Variants in MEGF6 observed in about 807,000 individuals in gnomAD.
The protein encoded by MEGF6 is multiple epidermal growth factor-like domains protein 6.
Under a neutral mutation model 207.1 loss-of-function variants are expected in MEGF6, and 184 were observed. That is an observed-to-expected ratio of 0.89 (90% CI 0.79 to 1.00). The LOEUF is 1.00. Ranked by LOEUF, MEGF6 falls within the 50% of genes least tolerant of loss-of-function variation. The pLI is 0.00. For missense variants in MEGF6, 2,282 were observed against 2,202.9 expected (o/e 1.04, Z -0.72); for synonymous variants, 1,038 against 910.0 (o/e 1.14, Z -2.53).
At chr1:3,585,036 C>T (rs114325920) in intron 3 of MEGF6, among the ~76,000 whole-genome samples, 1,916 of 152,036 alleles carry the variant, frequency 0.013, 42 homozygotes, top group African/African-American at 0.043. Flanking sequence ...GAGTGACACA[C>T]GTCCTGTGTG....
Position 3,501,823 on chromosome 1 carries a change from C to T in MEGF6, c.2287G>A (p.Gly763Arg), listed in dbSNP as rs1183207359. 2 of 1,608,860 alleles carry T rather than the reference C, an allele frequency of 1.2e-6. No homozygotes were observed. Among genetic ancestry groups the T allele is most frequent in the East Asian group, 2.2e-5 (1 of 44,776 alleles). The change falls in exon 18 of 37, where the codon GGG (glycine) becomes AGG (arginine). Residue 763 changes from glycine (G) to arginine (R), a missense_variant. By Grantham distance (125) the Gly-to-Arg change is moderately radical (BLOSUM62 -2). Coordinates refer to ENST00000356575, the MANE Select transcript of MEGF6 (RefSeq NM_001409.4). ...GVTGQCRCPP[G>R]RTGEDCEADC... ...GCCTCACAGTCTTCCCCAGTCCTCC[C>T]CGGCGGACACCGGCACTGCCCCGTG...
intron 1 of MEGF6, among the ~76,000 whole-genome samples, chr1:3,605,538 TCA>T (rs879448471): frequency 1.0e-4 from 9 of 87,940 alleles, no homozygotes; most frequent in Non-Finnish European, 1.7e-4. Context: ...TCACACACAA[TCA>T]CACATATTCT....
rs2101036127 is a variant in MEGF6, at chr1:3,509,995, G to A, written c.1235-3C>T. The A allele has an allele frequency of 6.3e-7, 1 of 1,583,052 alleles. No individual in the cohort carries two copies. The highest frequency in any genetic ancestry group is 8.5e-7 in the Non-Finnish European group (1 of 1,171,904). On this transcript the variant is annotated splice_polypyrimidine_tract_variant and splice_region_variant and intron_variant, in intron 10 of 36. Transcript: ENST00000356575. Reference sequence around the variant, plus strand: ...GCTGGAGGCGCACTCATCCACATCTGCGGGCGACCCGGGACCACTGAGGCC... The same window carrying A: ...GCTGGAGGCGCACTCATCCACATCTACGGGCGACCCGGGACCACTGAGGCC...
At position 3,495,869 on chromosome 1, in the gene MEGF6, C is replaced by A. The variant is rs778666159; in HGVS notation, c.3871+21G>T. 8.8e-6 allele frequency: 14 copies of A among 1,595,810 alleles called. 1 individual carries two copies. In the East Asian group the frequency reaches 3.1e-4, roughly 36 times the overall value. ...TCTCTGTGAAGGGCCTGTGAGCATG[C>A]CCTCTGGAGTGAACACTCACCTCGC... On this transcript the variant is annotated intron_variant, in intron 30 of 36. Transcript: ENST00000356575.
chr1:3,558,685 T>G (rs945684815), intron 4 of MEGF6, among the ~76,000 whole-genome samples: 1 of 152,198 alleles, frequency 6.6e-6, no homozygotes, highest in Non-Finnish European at 1.5e-5. Flanking sequence ...ATCCCTTCCT[T>G]TCTCTGTTCG....
the MEGF6 span, among the ~76,000 whole-genome samples, chr1:3,618,960 G>T: frequency 6.6e-6 from 1 of 152,198 alleles, no homozygotes. The surrounding 1 kb of genome is among the most constrained non-coding windows in gnomAD (Gnocchi z 4.7). Flanking sequence ...CCTTTGGCAC[G>T]TGGCCCCCTG....
chr1:3,540,101 C>T (rs1189154916), intron 4 of MEGF6, among the ~76,000 whole-genome samples: 1 of 152,236 alleles, frequency 6.6e-6, no homozygotes, highest in African/African-American at 2.4e-5. Context: ...ACTGCCCCAG[C>T]GTCCTGGTTC....
chr1:3,597,841 T>C (rs1294513273), intron 2 of MEGF6, among the ~76,000 whole-genome samples: 1 of 152,110 alleles, frequency 6.6e-6, no homozygotes, highest in Non-Finnish European at 1.5e-5. Flanking sequence ...GCCACCTGGT[T>C]TGTCGGGGCT....
At position 3,514,555 on chromosome 1, in the gene MEGF6, C is replaced by T. The variant is rs373827441; in HGVS notation, c.848G>A (p.Cys283Tyr). The change falls in exon 7 of 37, where the codon TGT (cysteine) becomes TAT (tyrosine). Residue 283 changes from cysteine (C) to tyrosine (Y), a missense_variant. Coordinates refer to ENST00000356575, the MANE Select transcript of MEGF6 (RefSeq NM_001409.4). ...GYQLAADGKA[C>Y]EDVDECAAGL... ...GCAGGGGAGGGGCGTCCTACCTTCACAGGCCTTGCCGTCCGCTGCTAGCTG... is the reference window on the plus strand; with the variant it reads ...GCAGGGGAGGGGCGTCCTACCTTCATAGGCCTTGCCGTCCGCTGCTAGCTG... The T allele has an allele frequency of 4.8e-5, 76 of 1,591,538 alleles. No homozygotes were observed. Among genetic ancestry groups the T allele is most frequent in the Non-Finnish European group, 6.3e-5 (74 of 1,172,494 alleles).
At chr1:3,579,117 G>A (rs1409828363) in intron 4 of MEGF6, among the ~76,000 whole-genome samples, 3 of 152,240 alleles carry the variant, frequency 2.0e-5, no homozygotes, top group Non-Finnish European at 4.4e-5. Context: ...CGGGACGGCC[G>A]TGGCTCAGGC....
At chr1:3,616,935 C>T in the MEGF6 span, among the ~76,000 whole-genome samples, 2 of 152,348 alleles carry the variant, frequency 1.3e-5, no homozygotes, top group African/African-American at 2.4e-5. Context: ...GGGCAACCTC[C>T]GGTTCCAGTT....
chr1:3,493,621 G>A, intron 34 of MEGF6, 150 bp downstream of exon 34: 1 of 1,123,580 alleles, frequency 8.9e-7, no homozygotes, highest in Non-Finnish European at 1.2e-6. Flanking sequence ...GCTGACTCCA[G>A]CCCCCCCAGG....
intron 4 of MEGF6, among the ~76,000 whole-genome samples, chr1:3,571,574 C>A (rs746480249): frequency 6.6e-6 from 1 of 152,054 alleles, no homozygotes; most frequent in Admixed American, 6.5e-5. Flanking sequence ...GTCTTCCCCC[C>A]AAGTGTGCTG....
In MEGF6 at chr1:3,488,085, G is replaced by A. The variant is rs549902470; in HGVS notation, c.*2443C>T. On this transcript the variant is annotated 3_prime_UTR_variant, in exon 37 of 37. Coordinates refer to ENST00000356575, the MANE Select transcript of MEGF6 (RefSeq NM_001409.4). ...TAATGAGCATATCATCATCTCAAGC[G>A]TTTATTATGTGTGTTGAGAATGTTC... Among the ~76,000 whole-genome samples the A allele has an allele frequency of 3.7e-4, 56 of 152,082 alleles. No homozygotes were observed. Among genetic ancestry groups the A allele is most frequent in the Non-Finnish European group, 7.3e-4 (50 of 68,032 alleles).
In MEGF6 at chr1:3,511,767, C is replaced by T; in HGVS notation, c.977-80G>A. The T allele has an allele frequency of 5.2e-6, 8 of 1,546,936 alleles. No homozygotes were observed. In the South Asian group the frequency reaches 9.7e-5, roughly 19 times the overall value. On this transcript the variant is annotated intron_variant, in intron 8 of 36. Transcript: ENST00000356575. ...CTACCTTAGTTACCCCTACCTCCAC[C>T]CAGCAGCCAGCCTCGGGCCTGGGGA...
At chr1:3,596,985 C>T (rs1039514808) in intron 2 of MEGF6, among the ~76,000 whole-genome samples, 1 of 152,136 alleles carries the variant, frequency 6.6e-6, no homozygotes, top group Non-Finnish European at 1.5e-5. Flanking sequence ...CGAGCTGCCC[C>T]CAACAGGCCG....
intron 21 of MEGF6, among the ~76,000 whole-genome samples, chr1:3,500,314 C>G (rs560463001): frequency 6.6e-6 from 1 of 152,370 alleles, no homozygotes; most frequent in South Asian, 2.1e-4. Context: ...CCTGCCCCCT[C>G]CTGCTGCGGC....
At chr1:3,623,922 C>T in the MEGF6 span, among the ~76,000 whole-genome samples, 7 of 152,210 alleles carry the variant, frequency 4.6e-5, no homozygotes, top group Admixed American at 6.5e-5. Flanking sequence ...GGCGCCACTG[C>T]AAACTTCCCT....
chr1:3,539,005 G>C (rs762772150), intron 4 of MEGF6, among the ~76,000 whole-genome samples: 1 of 152,200 alleles, frequency 6.6e-6, no homozygotes, highest in Admixed American at 6.5e-5. Context: ...TCCTGGAGGA[G>C]GTGGCACTCA....
Sources: allele counts gnomAD v4.1 joint callset (sites outside exome capture counted in the v4.1 genomes callset), GRCh38; gene constraint gnomAD v4.1.1; non-coding constraint Gnocchi (gnomAD v3.1); transcripts MANE v1.5; gene names NCBI Gene and HGNC (gene_info 2026-07-23, HGNC 2026-07-21).